The following SLCO5A1 variants were observed in gnomAD, a reference collection of about 807,000 sequenced individuals.
SLCO5A1 encodes solute carrier organic anion transporter family member 5A1.
SLCO5A1 carries 39 observed loss-of-function variants against 65.1 expected under a neutral mutation model. The ratio of observed to expected loss-of-function variants is 0.60; its 90% CI spans 0.46 to 0.78. The LOEUF (loss-of-function observed/expected upper bound fraction) is 0.78. SLCO5A1 is among the 30% of genes least tolerant of loss of function. The pLI, the probability that SLCO5A1 is intolerant of heterozygous loss-of-function variation, is 0.00. For missense variants in SLCO5A1, 1,029 were observed against 1,069.4 expected (o/e 0.96, Z 0.53); for synonymous variants, 438 against 415.7 (o/e 1.05, Z -0.65).
intron 5 of SLCO5A1, among the ~76,000 whole-genome samples, chr8:69,729,175 T>C (rs1461809054): frequency 5.9e-5 from 9 of 152,162 alleles, no homozygotes; most frequent in Non-Finnish European, 4.4e-5. Context: ...CCCGGTGCAG[T>C]GGCTCACGCC....
chr8:69,704,614 A>T (rs1375802085), intron 6 of SLCO5A1, among the ~76,000 whole-genome samples: 2 of 152,242 alleles, frequency 1.3e-5, no homozygotes, highest in Admixed American at 1.3e-4. Flanking sequence ...CTTTGCTTGC[A>T]GGAATGGGAA....
Position 69,694,898 on chromosome 8 carries a change from G to A in SLCO5A1, c.1622+10133C>T, listed in dbSNP as rs78182963. ...GATTGAATACAACTAAGTGAGAAAA[G>A]GTGTACTGTAATTCATGGATTAGAT... On this transcript the variant is annotated intron_variant, in intron 6 of 9. Coordinates refer to ENST00000260126, the MANE Select transcript of SLCO5A1 (RefSeq NM_030958.3). 2.0e-4 allele frequency among the ~76,000 whole-genome samples: 31 copies of A among 152,296 alleles called. 1 individual carries two copies. The East Asian group carries it at 5.4e-3, about 27-fold the overall frequency.
intron 2 of SLCO5A1, among the ~76,000 whole-genome samples, chr8:69,793,106 C>G (rs1170752441): frequency 6.6e-6 from 1 of 151,988 alleles, no homozygotes; most frequent in African/African-American, 2.4e-5. Context: ...CTCAGCCTCC[C>G]AAGTATCTGG....
In SLCO5A1 at chr8:69,669,263, AGTTT is replaced by A. The variant is rs1473103721; in HGVS notation, c.*3602_*3605del. The A allele has an allele frequency of 6.6e-6, 1 of 152,208 alleles. No individual in the cohort carries two copies. The highest frequency in any genetic ancestry group is 2.4e-5 in the African/African-American group (1 of 41,446). The allele number at this position is 152,208 out of a possible 1,614,324, so 9.4% of individuals were successfully genotyped here. A position where few individuals can be genotyped will look rare whatever the true frequency, so the allele number is the denominator to read the frequency against. Reference sequence around the variant, plus strand: ...GATATTTCCTACAGATGTTTCCTACAGTTTTTTTTATTTACACAAAAAAACCTCT... The same window carrying A: ...GATATTTCCTACAGATGTTTCCTACATTTTTATTTACACAAAAAAACCTCT... On this transcript the variant is annotated 3_prime_UTR_variant, in exon 10 of 10. Coordinates refer to ENST00000260126, the MANE Select transcript of SLCO5A1 (RefSeq NM_030958.3).
At chr8:69,722,701 C>T (rs954447163) in intron 5 of SLCO5A1, among the ~76,000 whole-genome samples, 3 of 151,830 alleles carry the variant, frequency 2.0e-5, no homozygotes, top group African/African-American at 7.2e-5. Flanking sequence ...CTCATTTTTT[C>T]AGTTAGTTAC....
chr8:69,726,176 T>G (rs1326543580), intron 5 of SLCO5A1, among the ~76,000 whole-genome samples: 1 of 152,244 alleles, frequency 6.6e-6, no homozygotes, highest in African/African-American at 2.4e-5. Flanking sequence ...ACATTTTAGT[T>G]AATTGAAAGA....
In SLCO5A1 at chr8:69,832,585, G is replaced by C. The variant is rs765120222; in HGVS notation, c.89C>G (p.Pro30Arg). The change falls in exon 2 of 10, where the codon CCG becomes CGG. Residue 30 changes from proline (P) to arginine (R), a missense_variant. Around this residue, in one of 3 missense-constraint regions of SLCO5A1, gnomAD observed 647 missense variants for 647.5 expected, o/e 1.00. Transcript: ENST00000260126. The surrounding 1 kb of genome is among the most constrained non-coding windows in gnomAD (Gnocchi z 4.5). Reference sequence around the variant, plus strand: ...TAAACTCTTAGACCTGAGGGTCTCCGGCTCGCACCTCTCTTGGACAGCTTC... The same window carrying C: ...TAAACTCTTAGACCTGAGGGTCTCCCGCTCGCACCTCTCTTGGACAGCTTC... ...TAEAVQERCE[P>R]ETLRSKSLPV... 3 of 1,612,976 alleles carry C rather than the reference G, an allele frequency of 1.9e-6. No homozygotes were observed. Among genetic ancestry groups the C allele is most frequent in the South Asian group, 2.2e-5 (2 of 91,030 alleles).
chr8:69,689,424 C>G (rs1416060032), intron 6 of SLCO5A1, among the ~76,000 whole-genome samples: 1 of 116,828 alleles, frequency 8.6e-6, no homozygotes, highest in African/African-American at 4.0e-5. Context: ...ATGGCTATGT[C>G]CTGAATGGTA....
chr8:69,704,177 C>T (rs1353132325), intron 6 of SLCO5A1, among the ~76,000 whole-genome samples: 1 of 152,190 alleles, frequency 6.6e-6, no homozygotes, highest in Non-Finnish European at 1.5e-5. Context: ...GCTGGGGTTA[C>T]AGGTCTGGGC....
At chr8:69,712,924 A>G (rs1005476544) in intron 5 of SLCO5A1, among the ~76,000 whole-genome samples, 3 of 152,348 alleles carry the variant, frequency 2.0e-5, no homozygotes, top group Admixed American at 2.0e-4. Context: ...CCATTTTACA[A>G]ATAGATAATC....
chr8:69,704,331 T>A (rs1421429559), intron 6 of SLCO5A1, among the ~76,000 whole-genome samples: 1 of 152,208 alleles, frequency 6.6e-6, no homozygotes, highest in Non-Finnish European at 1.5e-5. Context: ...ATTGAGAGGA[T>A]TCATGGATTA....
rs549222305 is a variant in SLCO5A1 at position 69,682,831 on chromosome 8, A to G, written c.1623-488T>C. ...TTATTAATATACGTTCCTTCGACCA[A>G]AAACTTGTATTCTAGAATAAATTAT... is the stretch of plus-strand genomic sequence containing the variant. On this transcript the variant is annotated intron_variant, in intron 6 of 9. Coordinates refer to ENST00000260126, the MANE Select transcript of SLCO5A1 (RefSeq NM_030958.3). 1.5e-4 allele frequency among the ~76,000 whole-genome samples: 23 copies of G among 152,348 alleles called. No individual in the cohort carries two copies. In the East Asian group the frequency reaches 4.4e-3, roughly 29 times the overall value.
intron 2 of SLCO5A1, among the ~76,000 whole-genome samples, chr8:69,812,826 A>G (rs1216246987): frequency 6.6e-6 from 1 of 152,356 alleles, no homozygotes; most frequent in East Asian, 1.9e-4. Context: ...CAACTTTTGG[A>G]ACCATTTTGT....
chr8:69,772,639 GA>G (rs1818379381), intron 2 of SLCO5A1, among the ~76,000 whole-genome samples: 1 of 151,136 alleles, frequency 6.6e-6, no homozygotes, highest in South Asian at 2.1e-4. Flanking sequence ...GAAAGGAAAG[GA>G]AAGGAAAGGA....
rs71275007 is a variant in SLCO5A1 at position 69,726,496 on chromosome 8, C to CCT, written c.1423+11543_1423+11544insAG. Among the ~76,000 whole-genome samples the CCT allele has an allele frequency of 3.3e-3, 378 of 115,010 alleles. 14 individuals are homozygous for CCT. The highest frequency in any genetic ancestry group is 0.01 in the African/African-American group (287 of 28,336). The allele number at this position is 115,010 out of a possible 152,430, so 75.5% of individuals were successfully genotyped here. Reference sequence around the variant, plus strand: ...GCTTTCTCTTTCATTTTCCTACCTCCTTTTTTTTTTTTTTTTTTGGGGGGA... The same window carrying CCT: ...GCTTTCTCTTTCATTTTCCTACCTCCCTTTTTTTTTTTTTTTTTTTGGGGGGA... On this transcript the variant is annotated intron_variant, in intron 5 of 9. Transcript: ENST00000260126.
intron 2 of SLCO5A1, among the ~76,000 whole-genome samples, chr8:69,828,273 TTTTAA>T (rs774841614): frequency 7.6e-6 from 1 of 131,912 alleles, no homozygotes; most frequent in African/African-American, 3.1e-5. Context: ...TTTTTTTTTT[TTTTAA>T]AAAAAAAGCA....
At chr8:69,748,540 T>A (rs895324639) in intron 4 of SLCO5A1, among the ~76,000 whole-genome samples, 2 of 152,158 alleles carry the variant, frequency 1.3e-5, no homozygotes, top group African/African-American at 4.8e-5. Context: ...AAAACATAAA[T>A]AGAGCAGAGC....
chr8:69,796,687 G>GT (rs1330377284), intron 2 of SLCO5A1, among the ~76,000 whole-genome samples: 1 of 151,062 alleles, frequency 6.6e-6, no homozygotes, highest in Non-Finnish European at 1.5e-5. Context: ...GTATATATAC[G>GT]TGTGTATGTA....
chr8:69,822,855 C>T (rs992175580), intron 2 of SLCO5A1, among the ~76,000 whole-genome samples: 3 of 152,150 alleles, frequency 2.0e-5, no homozygotes, highest in African/African-American at 2.4e-5. Context: ...GCCTCTTTTC[C>T]GGTGCTCTTT....
Sources: allele counts gnomAD v4.1 joint callset (sites outside exome capture counted in the v4.1 genomes callset), GRCh38; gene constraint gnomAD v4.1.1; regional missense constraint gnomAD v4.1.1; non-coding constraint Gnocchi (gnomAD v3.1); transcripts MANE v1.5; gene names NCBI Gene and HGNC (gene_info 2026-07-23, HGNC 2026-07-21).